PPIH: variants seen among roughly 807,000 people sequenced by gnomAD.
PPIH encodes peptidylprolyl isomerase H, also known as peptidyl-prolyl cis-trans isomerase H.
A neutral mutation model predicts 27.6 loss-of-function variants in PPIH; 16 were observed. The observed-to-expected ratio is 0.58, with a 90% confidence interval of 0.39 to 0.88. PPIH has a LOEUF of 0.88. Among genes scored for constraint, PPIH ranks in the 40% least tolerant of loss-of-function variants. The pLI, the probability that PPIH is intolerant of heterozygous loss-of-function variation, is 0.00. For synonymous variants in PPIH, 63 were observed against 76.1 expected, an observed-to-expected ratio of 0.83 and a Z score of 0.90; for missense variants, 155 against 224.1, an observed-to-expected ratio of 0.69 and a Z score of 1.97.
At chr1:42,664,268 T>C (rs1208186748) in intron 5 of PPIH, among the ~76,000 whole-genome samples, 1 of 152,190 alleles carries the variant, frequency 6.6e-6, no homozygotes, top group Non-Finnish European at 1.5e-5. Flanking sequence ...TTGCAAATGG[T>C]AGTCACATCC....
intron 1 of PPIH, 22 bp from the exon 2 acceptor site, chr1:42,658,822 G>C (rs774669993): frequency 1.2e-6 from 2 of 1,613,928 alleles, no homozygotes; most frequent in East Asian, 2.2e-5. Flanking sequence ...TGGGCCTTCT[G>C]ACACTCTCCC....
At chr1:42,659,017 A>T in intron 2 of PPIH, 109 bp downstream of exon 2, 1 of 1,371,186 alleles carries the variant, frequency 7.3e-7, no homozygotes, top group Non-Finnish European at 1.0e-6. Context: ...TGCTCTTGAG[A>T]CCTGATTCCT....
chr1:42,659,404 G>A, intron 3 of PPIH, 118 bp from the exon 4 acceptor site: 1 of 1,614,082 alleles, frequency 6.2e-7, no homozygotes, highest in Non-Finnish European at 8.5e-7. Flanking sequence ...TAGTTTATTT[G>A]CCTTCTTTAT....
At chr1:42,678,249 C>G (rs1347955178), downstream of PPIH, among the ~76,000 whole-genome samples, 1 of 152,190 alleles carries the variant, frequency 6.6e-6, no homozygotes, top group Non-Finnish European at 1.5e-5. Context: ...CACTCTGTTA[C>G]ATCTGGCACC....
At chr1:42,675,481 T>C (rs150613902) in intron 9 of PPIH, among the ~76,000 whole-genome samples, 9 of 152,342 alleles carry the variant, frequency 5.9e-5, no homozygotes, top group Non-Finnish European at 1.2e-4. Context: ...TGAGAACTTG[T>C]TGAAGCAAGG....
intron 4 of PPIH, among the ~76,000 whole-genome samples, chr1:42,660,405 A>G (rs531121156): frequency 1.3e-5 from 2 of 152,260 alleles, no homozygotes; most frequent in East Asian, 3.9e-4. Flanking sequence ...TCATTCAGGA[A>G]AAGAATAATC....
chr1:42,663,129 TCA>T (rs1649135054), intron 5 of PPIH, among the ~76,000 whole-genome samples: 1 of 152,232 alleles, frequency 6.6e-6, no homozygotes, highest in African/African-American at 2.4e-5. Context: ...TCCCTTAGGT[TCA>T]CTGGGAAATT....
downstream of PPIH, among the ~76,000 whole-genome samples, chr1:42,680,651 G>A (rs1490018518): frequency 6.6e-6 from 1 of 152,220 alleles, no homozygotes; most frequent in Non-Finnish European, 1.5e-5. Context: ...GTAGAGAGGT[G>A]TGGTTAGTAG....
intron 6 of PPIH, among the ~76,000 whole-genome samples, chr1:42,665,633 G>C (rs1197450948): frequency 6.6e-6 from 1 of 151,898 alleles, no homozygotes; most frequent in African/African-American, 2.4e-5. Flanking sequence ...TTGAGGTTGA[G>C]GTCAGGAGTT....
At chr1:42,664,333 C>T (rs890158596) in intron 5 of PPIH, among the ~76,000 whole-genome samples, 1 of 152,310 alleles carries the variant, frequency 6.6e-6, no homozygotes, top group Non-Finnish European at 1.5e-5. Context: ...TCTATCCCAC[C>T]TCCAGATTCC....
chr1:42,660,848 G>A lies in PPIH; in HGVS notation c.201-14G>A, dbSNP rs2148709958. On this transcript the variant is annotated splice_polypyrimidine_tract_variant and intron_variant, in intron 4 of 9. Transcript: ENST00000304979. Reference sequence around the variant, plus strand: ...CCATAAAATCTTCTCAGTATTCTTTGCTCTCTGTTTCAGGGTCATAAAGGA... The same window carrying A: ...CCATAAAATCTTCTCAGTATTCTTTACTCTCTGTTTCAGGGTCATAAAGGA... 1.9e-6 allele frequency: 3 copies of A among 1,590,982 alleles called. No homozygotes were observed. In the East Asian group the frequency reaches 6.8e-5, roughly 36 times the overall value.
intron 5 of PPIH, among the ~76,000 whole-genome samples, chr1:42,662,984 T>G (rs1240638372): frequency 3.3e-5 from 5 of 152,232 alleles, no homozygotes; most frequent in Non-Finnish European, 5.9e-5. Flanking sequence ...GACAAGTTAT[T>G]TGATCAATTC....
chr1:42,659,449 T>C, intron 3 of PPIH, 73 bp from the exon 4 acceptor site: 1 of 1,614,150 alleles, frequency 6.2e-7, no homozygotes, highest in Non-Finnish European at 8.5e-7. Context: ...TCCTTTTGGC[T>C]CCAGTGCATG....
chr1:42,658,979 G>A, intron 2 of PPIH, 71 bp downstream of exon 2: 1 of 1,526,430 alleles, frequency 6.6e-7, no homozygotes, highest in Non-Finnish European at 9.1e-7. Context: ...GCCTGAAATA[G>A]CCTGTCTACC....
intron 9 of PPIH, among the ~76,000 whole-genome samples, chr1:42,668,304 T>C (rs1169557343): frequency 1.3e-5 from 2 of 152,162 alleles, no homozygotes; most frequent in Non-Finnish European, 2.9e-5. Flanking sequence ...CATTTGTTTT[T>C]TTCTTTCCCT....
intron 9 of PPIH, among the ~76,000 whole-genome samples, chr1:42,667,904 C>G (rs935073954): frequency 6.6e-6 from 1 of 152,224 alleles, no homozygotes; most frequent in Non-Finnish European, 1.5e-5. Flanking sequence ...ACTTCATATT[C>G]GCTGGCCTCA....
downstream of PPIH, among the ~76,000 whole-genome samples, chr1:42,679,746 T>C (rs531678778): frequency 1.5e-3 from 222 of 152,384 alleles, 1 homozygote; most frequent in South Asian, 2.9e-3. Flanking sequence ...TAGGGCATGC[T>C]TTTAAATGTC....
intron 6 of PPIH, among the ~76,000 whole-genome samples, 180 bp downstream of exon 6, chr1:42,665,135 G>A (rs1462855192): frequency 7.2e-5 from 11 of 152,206 alleles, no homozygotes; most frequent in Admixed American, 7.2e-4. Flanking sequence ...TAGGTATGCT[G>A]GCTCACGCCT....
At chr1:42,665,838 G>A in intron 6 of PPIH, 142 bp from the exon 7 acceptor site, 1 of 683,190 alleles carries the variant, frequency 1.5e-6, no homozygotes. Context: ...TCCTAGCTTA[G>A]GCCCTGGCTC....
Sources: gnomAD v4.1 joint callset for allele counts (sites outside exome capture counted in the v4.1 genomes callset) on GRCh38, gnomAD v4.1.1 for gene constraint, MANE v1.5 for transcripts, NCBI Gene and HGNC (gene_info 2026-07-23, HGNC 2026-07-21) for gene names.